Variants in R3HDM1 observed in about 807,000 individuals in gnomAD.
R3HDM1 encodes R3H domain containing 1.
In R3HDM1, 46 loss-of-function variants were observed where a neutral mutation model predicts 141.1. The observed-to-expected ratio is 0.33, with a 90% CI of 0.26 to 0.42. The LOEUF (loss-of-function observed/expected upper bound fraction) is 0.42. R3HDM1 is among the 10% of genes least tolerant of loss of function. The pLI, the probability that R3HDM1 is intolerant of heterozygous loss-of-function variation, is 1.00. For missense variants in R3HDM1, 1,184 were observed against 1,368.3 expected (o/e 0.87, Z 2.12); for synonymous variants, 435 against 472.9 (o/e 0.92, Z 1.04).
At chr2:135,655,518 TG>T (rs1228578325) in intron 18 of R3HDM1, among the ~76,000 whole-genome samples, 1 of 151,968 alleles carries the variant, frequency 6.6e-6, no homozygotes, top group African/African-American at 2.4e-5. Flanking sequence ...TTGTTGTTGT[TG>T]TTTTTGAGAT....
chr2:135,644,397 G>A (rs553859191), intron 15 of R3HDM1, among the ~76,000 whole-genome samples: 1 of 152,234 alleles, frequency 6.6e-6, no homozygotes, highest in Non-Finnish European at 1.5e-5. Flanking sequence ...CAGCCAGTCT[G>A]GAGGCTGAGG....
At chr2:135,580,244 G>C (rs1279645812) in intron 1 of R3HDM1, among the ~76,000 whole-genome samples, 1 of 152,142 alleles carries the variant, frequency 6.6e-6, no homozygotes, top group African/African-American at 2.4e-5. Context: ...GGGACACCCT[G>C]TCTCTAAATA....
At chr2:135,551,594 G>A (rs1362746788) in intron 1 of R3HDM1, among the ~76,000 whole-genome samples, 3 of 152,284 alleles carry the variant, frequency 2.0e-5, no homozygotes, top group South Asian at 2.1e-4. Flanking sequence ...GTTAAATCAC[G>A]TTGAATTGCA....
intron 7 of R3HDM1, among the ~76,000 whole-genome samples, chr2:135,628,697 G>A (rs923675460): frequency 2.0e-5 from 3 of 152,116 alleles, no homozygotes; most frequent in East Asian, 1.9e-4. Context: ...CACAATCTCG[G>A]CTCACAGCAA....
intron 1 of R3HDM1, among the ~76,000 whole-genome samples, chr2:135,579,365 G>C (rs149733379): frequency 2.0e-5 from 3 of 152,222 alleles, no homozygotes; most frequent in African/African-American, 7.2e-5. Flanking sequence ...ATAGATGGGA[G>C]GGATAGGAAG....
intron 1 of R3HDM1, among the ~76,000 whole-genome samples, chr2:135,541,068 G>C (rs1574414813): frequency 6.6e-6 from 1 of 152,192 alleles, no homozygotes. Flanking sequence ...GTTGTAAACA[G>C]ATGTGCTGTC....
chr2:135,678,734 G>T (rs1018948767), intron 20 of R3HDM1, among the ~76,000 whole-genome samples: 1 of 148,830 alleles, frequency 6.7e-6, no homozygotes, highest in Non-Finnish European at 1.5e-5. Flanking sequence ...ATCATCAGTG[G>T]TTATAGTGGT....
At chr2:135,539,185 T>A (rs904002637) in intron 1 of R3HDM1, among the ~76,000 whole-genome samples, 3 of 152,148 alleles carry the variant, frequency 2.0e-5, no homozygotes, top group African/African-American at 2.4e-5. Context: ...ATTTTTTTTT[T>A]AAATAAGTAG....
At chr2:135,651,076 C>T (rs2065101312) in intron 17 of R3HDM1, 1 of 985,084 alleles carries the variant, frequency 1.0e-6, no homozygotes, top group Non-Finnish European at 1.2e-6. Flanking sequence ...GGTAGGGCAC[C>T]ATTTAGTAAA....
intron 21 of R3HDM1, among the ~76,000 whole-genome samples, chr2:135,697,455 T>G (rs1423207887): frequency 1.3e-5 from 2 of 152,210 alleles, no homozygotes; most frequent in African/African-American, 4.8e-5. Context: ...CAGAGACATG[T>G]TTATGAATGT....
At chr2:135,675,530 A>G in intron 20 of R3HDM1, 44 bp downstream of exon 20, 1 of 1,538,576 alleles carries the variant, frequency 6.5e-7, no homozygotes, top group Admixed American at 1.8e-5. Context: ...ATGATTTCGA[A>G]TAAATTAAGT....
chr2:135,536,294 G>A (rs1696099638), intron 1 of R3HDM1, among the ~76,000 whole-genome samples: 1 of 152,056 alleles, frequency 6.6e-6, no homozygotes, highest in African/African-American at 2.4e-5. Context: ...CTTGTCACTA[G>A]GACTACAGGC....
At chr2:135,641,278 T>C (rs1165624906) in intron 14 of R3HDM1, among the ~76,000 whole-genome samples, 2 of 152,196 alleles carry the variant, frequency 1.3e-5, no homozygotes, top group African/African-American at 2.4e-5. Flanking sequence ...TGTGGCTGTC[T>C]GTGGCTGGTG....
intron 1 of R3HDM1, among the ~76,000 whole-genome samples, chr2:135,569,407 C>T (rs1422947123): frequency 1.3e-5 from 2 of 151,688 alleles, no homozygotes; most frequent in African/African-American, 4.8e-5. Context: ...TGCTTGAACC[C>T]GGGAGGCAGA....
intron 1 of R3HDM1, among the ~76,000 whole-genome samples, chr2:135,589,273 A>C (rs181834028): frequency 2.4e-4 from 37 of 152,344 alleles, no homozygotes; most frequent in African/African-American, 8.9e-4. Context: ...AAGATGTATA[A>C]GATGAAAATC....
At chr2:135,537,277 CTTTTTT>C (rs1036767352) in intron 1 of R3HDM1, among the ~76,000 whole-genome samples, 2 of 84,446 alleles carry the variant, frequency 2.4e-5, no homozygotes, top group African/African-American at 1.1e-4. Flanking sequence ...ATTAGTCTGT[CTTTTTT>C]TTTTTTTTTT....
Position 135,638,600 on chromosome 2 carries a change from A to G in R3HDM1, c.904-18A>G. ...ATTTGACAAAAGCTCAACTTTTTGT[A>G]TCTATTCTTTTTTCTAGTCCCTGTG... On this transcript the variant is annotated intron_variant, in intron 11 of 26. Coordinates refer to ENST00000683871, the MANE Select transcript of R3HDM1 (RefSeq NM_001378107.1). 1.3e-6 allele frequency: 2 copies of G among 1,597,306 alleles called. No individual in the cohort carries two copies. The highest frequency in any genetic ancestry group is 1.9e-4 in the Middle Eastern group (1 of 5,242).
chr2:135,710,245 G>A lies in R3HDM1; in HGVS notation c.2736+14G>A. 6.2e-7 allele frequency: 1 copy of A among 1,601,472 alleles called. No homozygotes were observed. The highest frequency in any genetic ancestry group is 8.5e-7 in the Non-Finnish European group (1 of 1,171,284). ...AATATTGTCCAGGTAAGATGGTTTTGTTCATTATCATTTTGAAACGTTACA... is the reference window on the plus strand; with the variant it reads ...AATATTGTCCAGGTAAGATGGTTTTATTCATTATCATTTTGAAACGTTACA... On this transcript the variant is annotated intron_variant, in intron 23 of 26. Coordinates refer to ENST00000683871, the MANE Select transcript of R3HDM1 (RefSeq NM_001378107.1).
intron 21 of R3HDM1, among the ~76,000 whole-genome samples, chr2:135,684,215 C>T (rs989374417): frequency 1.3e-5 from 2 of 151,924 alleles, no homozygotes; most frequent in Non-Finnish European, 2.9e-5. Context: ...CTCAGCCTCC[C>T]GAGTAGCTGG....
Sources: gnomAD v4.1 joint callset for allele counts (sites outside exome capture counted in the v4.1 genomes callset) on GRCh38, gnomAD v4.1.1 for gene constraint, MANE v1.5 for transcripts, NCBI Gene and HGNC (gene_info 2026-07-23, HGNC 2026-07-21) for gene names.